GRID2: variants seen among roughly 807,000 people sequenced by gnomAD.
GRID2 encodes the protein glutamate ionotropic receptor delta type subunit 2.
Under a neutral mutation model 114.8 loss-of-function variants are expected in GRID2, and 33 were observed. The observed-to-expected ratio is 0.29, with a 90% CI of 0.22 to 0.38. The LOEUF (loss-of-function observed/expected upper bound fraction) is 0.38. Among genes scored for constraint, GRID2 ranks in the 10% least tolerant of loss-of-function variants. The pLI is 1.00. For missense variants in GRID2, 1,184 were observed against 1,257.7 expected (o/e 0.94, Z 0.89); for synonymous variants, 505 against 449.9 (o/e 1.12, Z -1.55).
intron 14 of GRID2, among the ~76,000 whole-genome samples, chr4:93,675,839 C>A (rs1724805031): frequency 6.6e-6 from 1 of 152,136 alleles, no homozygotes; most frequent in Non-Finnish European, 1.5e-5. Flanking sequence ...AAAGTAAAAG[C>A]ATTATAGTGT....
intron 8 of GRID2, chr4:93,319,524 A>G (rs922139422): frequency 6.6e-6 from 1 of 151,968 alleles, no homozygotes; most frequent in African/African-American, 2.4e-5. Flanking sequence ...GGCAAAAGGG[A>G]TTTTACAGAT....
chr4:93,514,955 G>A (rs963389970), intron 12 of GRID2, among the ~76,000 whole-genome samples: 2 of 152,068 alleles, frequency 1.3e-5, no homozygotes, highest in Non-Finnish European at 2.9e-5. Context: ...GCTTCACAAA[G>A]AAAGCATTGC....
chr4:93,175,892 G>C (rs1409994021), intron 4 of GRID2, among the ~76,000 whole-genome samples: 1 of 152,142 alleles, frequency 6.6e-6, no homozygotes, highest in Admixed American at 6.6e-5. Context: ...ACCATGTGAG[G>C]ATAAATAGAT....
At chr4:92,856,100 G>A (rs1417386336) in intron 2 of GRID2, among the ~76,000 whole-genome samples, 1 of 151,986 alleles carries the variant, frequency 6.6e-6, no homozygotes, top group Non-Finnish European at 1.5e-5. Flanking sequence ...TTGGTTATCT[G>A]TATCTCTACT....
chr4:93,455,616 T>C (rs767214819), intron 10 of GRID2, 46 bp from the exon 11 acceptor site: 25 of 1,318,114 alleles, frequency 1.9e-5, no homozygotes, highest in Middle Eastern at 3.7e-4. Flanking sequence ...CAAATGAAAT[T>C]GTTTTTCACA....
intron 2 of GRID2, among the ~76,000 whole-genome samples, chr4:92,658,766 T>C (rs1394263956): frequency 7.3e-6 from 1 of 137,684 alleles, no homozygotes; most frequent in Non-Finnish European, 1.6e-5. Flanking sequence ...CTACAATGAA[T>C]GTGTTTGCAT....
chr4:92,639,917 T>G (rs1033509088), intron 2 of GRID2, among the ~76,000 whole-genome samples: 2 of 151,812 alleles, frequency 1.3e-5, no homozygotes, highest in Non-Finnish European at 2.9e-5. Context: ...ATTTAACTAC[T>G]AAAGACATGT....
intron 13 of GRID2, among the ~76,000 whole-genome samples, chr4:93,561,576 C>T (rs755838823): frequency 6.6e-6 from 1 of 152,078 alleles, no homozygotes; most frequent in African/African-American, 2.4e-5. Flanking sequence ...TTAGGGTTCA[C>T]TCTTGGTGTT....
chr4:93,044,220 C>T (rs964382022), intron 2 of GRID2, among the ~76,000 whole-genome samples: 1 of 152,062 alleles, frequency 6.6e-6, no homozygotes, highest in Non-Finnish European at 1.5e-5. Context: ...TTGACATCTT[C>T]AGTTTATTTC....
chr4:92,394,096 A>G (rs1301436160), intron 1 of GRID2, among the ~76,000 whole-genome samples: 1 of 152,130 alleles, frequency 6.6e-6, no homozygotes, highest in Admixed American at 6.5e-5. Context: ...TCATTTTATC[A>G]TATCTGCTAG....
intron 2 of GRID2, among the ~76,000 whole-genome samples, chr4:92,656,479 AAAAAC>A (rs1457907269): frequency 6.6e-6 from 1 of 151,684 alleles, no homozygotes; most frequent in Non-Finnish European, 1.5e-5. Context: ...AATTAAAAAA[AAAAAC>A]ACTTTTCTAA....
At chr4:92,309,447 T>G (rs1366187363) in intron 1 of GRID2, among the ~76,000 whole-genome samples, 1 of 151,946 alleles carries the variant, frequency 6.6e-6, no homozygotes, top group Non-Finnish European at 1.5e-5. Context: ...TATAGTATAA[T>G]GTTTATTAGA....
chr4:93,630,306 T>G (rs1743127579), intron 14 of GRID2, among the ~76,000 whole-genome samples: 1 of 152,212 alleles, frequency 6.6e-6, no homozygotes, highest in Non-Finnish European at 1.5e-5. Context: ...TCTTGTAACT[T>G]CTTAGTTTAA....
At chr4:93,531,268 G>T (rs1010662458) in intron 13 of GRID2, among the ~76,000 whole-genome samples, 1 of 152,084 alleles carries the variant, frequency 6.6e-6, no homozygotes, top group Non-Finnish European at 1.5e-5. Flanking sequence ...AATCAGATGG[G>T]ATCAGCATTG....
chr4:93,289,813 C>T (rs977086010), intron 8 of GRID2, among the ~76,000 whole-genome samples: 1 of 151,980 alleles, frequency 6.6e-6, no homozygotes, highest in African/African-American at 2.4e-5. Context: ...TGGGTACGTA[C>T]ATATAACCTA....
rs767320278 is a variant in GRID2 at position 92,709,572 on chromosome 4, G to GAAA, written c.244+119302_244+119304dup. Among the ~76,000 whole-genome samples, 906 of 100,910 alleles carry GAAA rather than the reference G, an allele frequency of 9.0e-3. 4 individuals are homozygous for GAAA. The highest frequency in any genetic ancestry group is 0.018 in the East Asian group (57 of 3,114). 66.2% of individuals were successfully genotyped at this position (100,910 alleles called of 152,430 possible). ...GTGAGGTTCCTCAAAATAGTGTAGA[G>GAAA]AAAAAAAAAAAAAAAAAATATATAT... is the stretch of plus-strand genomic sequence containing the variant. On this transcript the variant is annotated intron_variant, in intron 2 of 15. Coordinates refer to ENST00000282020, the MANE Select transcript of GRID2 (RefSeq NM_001510.4).
chr4:92,618,488 A>T (rs7668780), intron 2 of GRID2, among the ~76,000 whole-genome samples: 56,028 of 151,284 alleles, frequency 0.37, 10,556 homozygotes, highest in African/African-American at 0.45. Flanking sequence ...CTTTGGCTAT[A>T]TAGATCCTTT....
intron 1 of GRID2, among the ~76,000 whole-genome samples, chr4:92,561,007 C>T (rs190823262): frequency 5.3e-5 from 8 of 152,250 alleles, no homozygotes; most frequent in South Asian, 2.1e-4. Context: ...GGCACCCGGC[C>T]GCTTTCTAAT....
At chr4:92,630,666 T>C (rs909286250) in intron 2 of GRID2, among the ~76,000 whole-genome samples, 8 of 152,162 alleles carry the variant, frequency 5.3e-5, no homozygotes, top group African/African-American at 1.9e-4. Flanking sequence ...GTCTTCTTTT[T>C]ATTCTTAACC....
Sources: gnomAD v4.1 joint callset for allele counts (sites outside exome capture counted in the v4.1 genomes callset) on GRCh38, gnomAD v4.1.1 for gene constraint, MANE v1.5 for transcripts, NCBI Gene and HGNC (gene_info 2026-07-23, HGNC 2026-07-21) for gene names.